CHCHD6: variants seen among roughly 807,000 people sequenced by gnomAD.
CHCHD6 encodes the protein MICOS complex subunit MIC25.
CHCHD6 carries 28 observed loss-of-function variants against 32.3 expected under a neutral mutation model. The observed-to-expected ratio is 0.87, with a 90% CI of 0.64 to 1.19. The LOEUF is 1.19. Among genes scored for constraint, CHCHD6 ranks in the 50% most tolerant of loss-of-function variants. The pLI is 0.00. For missense variants in CHCHD6, 333 were observed against 307.0 expected (o/e 1.08, Z -0.63); for synonymous variants, 122 against 117.5 (o/e 1.04, Z -0.25).
At chr3:126,893,651 C>A (rs891086261) in intron 5 of CHCHD6, among the ~76,000 whole-genome samples, 2 of 152,340 alleles carry the variant, frequency 1.3e-5, no homozygotes, top group Admixed American at 1.3e-4. Context: ...TGAAAGGAAC[C>A]CCCAGAGCCA....
At chr3:126,849,923 T>A (rs115189394) in intron 4 of CHCHD6, among the ~76,000 whole-genome samples, 4,421 of 152,328 alleles carry the variant, frequency 0.029, 95 homozygotes, top group Non-Finnish European at 0.039. Flanking sequence ...TGGCCTCTCA[T>A]GAGTGCTAGG....
intron 4 of CHCHD6, among the ~76,000 whole-genome samples, chr3:126,784,217 C>A (rs144641323): frequency 2.0e-5 from 3 of 152,256 alleles, no homozygotes; most frequent in African/African-American, 7.2e-5. Context: ...CCATAAGAAA[C>A]CCAGGCTTCT....
intron 4 of CHCHD6, among the ~76,000 whole-genome samples, chr3:126,819,975 A>C (rs1940080956): frequency 6.6e-6 from 1 of 152,194 alleles, no homozygotes; most frequent in South Asian, 2.1e-4. Flanking sequence ...ACTGTAGCTT[A>C]GTGGGAAGAA....
At chr3:126,779,072 T>C (rs921000025) in intron 4 of CHCHD6, among the ~76,000 whole-genome samples, 2 of 152,038 alleles carry the variant, frequency 1.3e-5, no homozygotes, top group Admixed American at 1.3e-4. Flanking sequence ...TTTGATGAAG[T>C]CCAGTTTACC....
intron 5 of CHCHD6, among the ~76,000 whole-genome samples, chr3:126,866,419 T>C (rs73205609): frequency 0.025 from 3,847 of 152,288 alleles, 61 homozygotes; most frequent in Middle Eastern, 0.061. Context: ...GTGTCACATG[T>C]ACTAATTTGT....
chr3:126,924,661 G>GT (rs1293246826), intron 6 of CHCHD6, among the ~76,000 whole-genome samples: 1 of 152,222 alleles, frequency 6.6e-6, no homozygotes, highest in African/African-American at 2.4e-5. Flanking sequence ...ACCCTCTGAG[G>GT]TGTATGAGGC....
At chr3:126,813,675 C>T (rs763551526) in intron 4 of CHCHD6, among the ~76,000 whole-genome samples, 50 of 152,326 alleles carry the variant, frequency 3.3e-4, no homozygotes, top group Non-Finnish European at 5.0e-4. Flanking sequence ...ACTCTCATGA[C>T]CTATCTAGGG....
rs987233694 is a variant in CHCHD6 at position 126,935,130 on chromosome 3, C to T, written c.566+20380C>T. ...GTGAGCACGAATCACCTGCTGTCTC[C>T]GGCCACCTGGGATGCTCAGCCAGTG... On this transcript the variant is annotated intron_variant, in intron 6 of 7. Transcript: ENST00000290913. 77 of 987,618 alleles carry T rather than the reference C, an allele frequency of 7.8e-5. No individual in the cohort carries two copies. The African/African-American group carries it at 1.2e-3, about 15-fold the overall frequency. The allele number at this position is 987,618 out of a possible 1,614,324, so 61.2% of individuals were successfully genotyped here. A position where few individuals can be genotyped will look rare whatever the true frequency, so the allele number is the denominator to read the frequency against.
intron 4 of CHCHD6, among the ~76,000 whole-genome samples, chr3:126,790,371 C>T (rs1938464528): frequency 6.6e-6 from 1 of 152,078 alleles, no homozygotes; most frequent in Non-Finnish European, 1.5e-5. Flanking sequence ...TGTTGGCCTG[C>T]CTTGCTAGGT....
At chr3:126,921,438 GAA>G (rs903511454) in intron 6 of CHCHD6, among the ~76,000 whole-genome samples, 7 of 151,206 alleles carry the variant, frequency 4.6e-5, no homozygotes, top group African/African-American at 1.7e-4. Flanking sequence ...CAGATTTTCT[GAA>G]GAAGAGATGA....
Position 126,809,588 on chromosome 3 carries a change from G to A in CHCHD6, c.412-43059G>A, listed in dbSNP as rs138341804. Among the ~76,000 whole-genome samples, 878 of 152,254 alleles carry A rather than the reference G, an allele frequency of 5.8e-3. 5 individuals carry two copies. The highest frequency in any genetic ancestry group is 0.019 in the African/African-American group (792 of 41,530). On this transcript the variant is annotated intron_variant, in intron 4 of 7. Transcript: ENST00000290913. Reference sequence around the variant, plus strand: ...TGAACCAAGAGAGATGTCTGTGTCCGCTCTTGTGCTGCTGTTAAACATTTG... The same window carrying A: ...TGAACCAAGAGAGATGTCTGTGTCCACTCTTGTGCTGCTGTTAAACATTTG...
chr3:126,911,576 G>A (rs954975067), intron 5 of CHCHD6, among the ~76,000 whole-genome samples: 5 of 152,236 alleles, frequency 3.3e-5, no homozygotes, highest in Admixed American at 6.5e-5. Flanking sequence ...AGGACAGGAC[G>A]GGGAATTTCT....
At chr3:126,920,419 G>A (rs2078230906) in intron 6 of CHCHD6, among the ~76,000 whole-genome samples, 1 of 151,850 alleles carries the variant, frequency 6.6e-6, no homozygotes, top group African/African-American at 2.4e-5. Flanking sequence ...GAGGTCCTCT[G>A]TGATATGACC....
intron 6 of CHCHD6, chr3:126,935,264 A>G (rs530460218): frequency 1.9e-6 from 1 of 533,952 alleles, no homozygotes; most frequent in African/African-American, 2.1e-5. Context: ...CCCTTTTGAG[A>G]GCCTCCCTCC....
At chr3:126,721,353 C>T (rs1459057090) in intron 1 of CHCHD6, among the ~76,000 whole-genome samples, 1 of 152,202 alleles carries the variant, frequency 6.6e-6, no homozygotes, top group African/African-American at 2.4e-5. Flanking sequence ...TTCCCCGGTG[C>T]CCTGCCCTAG....
intron 1 of CHCHD6, among the ~76,000 whole-genome samples, chr3:126,719,395 C>T (rs895867100): frequency 4.6e-5 from 7 of 152,206 alleles, no homozygotes; most frequent in Admixed American, 4.6e-4. Context: ...CCCCCCCTGC[C>T]CTGCATGCTG....
chr3:126,812,471 T>C (rs949909335), intron 4 of CHCHD6, among the ~76,000 whole-genome samples: 1 of 152,080 alleles, frequency 6.6e-6, no homozygotes, highest in Non-Finnish European at 1.5e-5. Context: ...TTGCCACGGC[T>C]GGAGTGCAGT....
intron 1 of CHCHD6, among the ~76,000 whole-genome samples, chr3:126,714,160 G>T (rs899903647): frequency 6.0e-5 from 9 of 150,278 alleles, no homozygotes; most frequent in African/African-American, 9.8e-5. Flanking sequence ...CAAATGGAAA[G>T]TCTGCCATTC....
At chr3:126,830,330 A>T (rs1197583984) in intron 4 of CHCHD6, among the ~76,000 whole-genome samples, 2 of 152,202 alleles carry the variant, frequency 1.3e-5, no homozygotes, top group African/African-American at 4.8e-5. Context: ...TCTGGATCTT[A>T]TGCCTCTTTA....
Sources: gnomAD v4.1 joint callset for allele counts (sites outside exome capture counted in the v4.1 genomes callset) on GRCh38, gnomAD v4.1.1 for gene constraint, MANE v1.5 for transcripts, NCBI Gene and HGNC (gene_info 2026-07-23, HGNC 2026-07-21) for gene names.